JAZF1: variants seen among roughly 807,000 people sequenced by gnomAD.
JAZF1 encodes juxtaposed with another zinc finger protein 1.
A neutral mutation model predicts 26.4 loss-of-function variants in JAZF1; 8 were observed. That is an observed-to-expected ratio of 0.30 (90% confidence interval 0.18 to 0.55). The LOEUF (loss-of-function observed/expected upper bound fraction) is 0.55. JAZF1 is among the 20% of genes least tolerant of loss of function. The probability of loss-of-function intolerance (pLI) is 0.94; values close to 1 mark genes in which losing one functional copy is unlikely to be tolerated. For missense variants in JAZF1, 199 were observed against 322.0 expected (o/e 0.62, Z 2.92); for synonymous variants, 126 against 122.3 (o/e 1.03, Z -0.20).
chr7:28,125,898 T>C (rs1487770545), intron 1 of JAZF1, among the ~76,000 whole-genome samples: 1 of 152,204 alleles, frequency 6.6e-6, no homozygotes, highest in African/African-American at 2.4e-5. Context: ...TTCCATCAGC[T>C]GATGCAAGGG....
chr7:28,036,349 TG>T (rs1783293185), intron 1 of JAZF1, among the ~76,000 whole-genome samples: 1 of 152,240 alleles, frequency 6.6e-6, no homozygotes, highest in Non-Finnish European at 1.5e-5. Flanking sequence ...ACTTCTATAG[TG>T]ATTTTTTTCT....
At position 27,883,687 on chromosome 7, in the gene JAZF1, G is replaced by A. The variant is rs144533229; in HGVS notation, c.385+11533C>T. Among the ~76,000 whole-genome samples, 234 of 152,268 alleles carry A rather than the reference G, an allele frequency of 1.5e-3. 1 individual carries two copies. Among genetic ancestry groups the A allele is most frequent in the African/African-American group, 5.3e-3 (219 of 41,544 alleles). ...TGTAAGGAAGCACTCTTTATCTCATGGGAAACAAAACACTTTGGGTATTGG... is the reference window on the plus strand; with the variant it reads ...TGTAAGGAAGCACTCTTTATCTCATAGGAAACAAAACACTTTGGGTATTGG... On this transcript the variant is annotated intron_variant, in intron 3 of 4. Coordinates refer to ENST00000283928, the MANE Select transcript of JAZF1 (RefSeq NM_175061.4).
Position 27,840,962 on chromosome 7 carries a change from G to A in JAZF1, c.386-95C>T, listed in dbSNP as rs747070068. On this transcript the variant is annotated intron_variant, in intron 3 of 4. Transcript: ENST00000283928. The surrounding 1 kb of genome is among the most constrained non-coding windows in gnomAD (Gnocchi z 5.1). The stretch of plus-strand genomic sequence containing the variant: ...CAGGACAGGAGATGTGGCCGTGGCA[G>A]AGCAGCGCTGACGGCCCAGGGAGAG... 8.1e-6 allele frequency: 11 copies of A among 1,353,418 alleles called. No individual in the cohort carries two copies. The highest frequency in any genetic ancestry group is 2.5e-4 in the Middle Eastern group (1 of 4,062). 83.8% of individuals were successfully genotyped at this position (1,353,418 alleles called of 1,614,324 possible).
intron 2 of JAZF1, among the ~76,000 whole-genome samples, chr7:27,988,235 T>G (rs1172265637): frequency 1.3e-5 from 2 of 152,142 alleles, no homozygotes; most frequent in Non-Finnish European, 2.9e-5. Context: ...TGTGGATGGT[T>G]GAATCATAAT....
chr7:28,087,701 T>G (rs1784232146), intron 1 of JAZF1, among the ~76,000 whole-genome samples: 1 of 152,168 alleles, frequency 6.6e-6, no homozygotes, highest in Non-Finnish European at 1.5e-5. Flanking sequence ...TAGTGAGCTT[T>G]AGAATGTCAT....
Position 27,840,505 on chromosome 7 carries a change from C to T in JAZF1, c.555+193G>A, listed in dbSNP as rs1289656343. 2.7e-5 allele frequency among the ~76,000 whole-genome samples: 4 copies of T among 148,502 alleles called. No individual in the cohort carries two copies. The highest frequency in any genetic ancestry group is 1.3e-4 in the Admixed American group (2 of 15,166). On this transcript the variant is annotated intron_variant, in intron 4 of 4. Transcript: ENST00000283928. This position sits in a 1 kb window ranked among gnomAD's most constrained non-coding sequence, Gnocchi z 5.1. The stretch of plus-strand genomic sequence containing the variant: ...GCAGAGGGGAAAGCCCCGGCAGCAG[C>T]GGTGGCGGGTGAGCACTTCCTTGAG...
At chr7:27,971,658 C>T (rs973006276) in intron 2 of JAZF1, among the ~76,000 whole-genome samples, 5 of 152,028 alleles carry the variant, frequency 3.3e-5, no homozygotes, top group South Asian at 4.1e-4. Context: ...TCCGAGGTGC[C>T]GCACATAAGG....
intron 1 of JAZF1, among the ~76,000 whole-genome samples, chr7:28,131,452 T>C (rs1389845304): frequency 6.6e-6 from 1 of 152,180 alleles, no homozygotes; most frequent in Non-Finnish European, 1.5e-5. Context: ...CTTCTCTCCT[T>C]ACATAAATAA....
chr7:28,003,733 C>G (rs1782647445), intron 1 of JAZF1, among the ~76,000 whole-genome samples: 1 of 152,094 alleles, frequency 6.6e-6, no homozygotes, highest in African/African-American at 2.4e-5. Context: ...AAGGGCAGCT[C>G]TGACATCATG....
chr7:28,134,424 C>T (rs1340202272), intron 1 of JAZF1, among the ~76,000 whole-genome samples: 2 of 151,872 alleles, frequency 1.3e-5, no homozygotes, highest in Non-Finnish European at 2.9e-5. Context: ...ACTCAGCCTC[C>T]CGAGTAGCTG....
chr7:28,104,057 C>T (rs1048872751), intron 1 of JAZF1, among the ~76,000 whole-genome samples: 9 of 152,168 alleles, frequency 5.9e-5, no homozygotes, highest in East Asian at 5.8e-4. Flanking sequence ...TCCAGCACAC[C>T]GGGCAGGCTC....
intron 1 of JAZF1, among the ~76,000 whole-genome samples, chr7:28,113,152 T>C (rs1402778250): frequency 6.6e-6 from 1 of 152,224 alleles, no homozygotes; most frequent in African/African-American, 2.4e-5. Context: ...GTCCGGCCTG[T>C]TGAATCGGTA....
chr7:28,169,690 T>C (rs1783422434), intron 1 of JAZF1, among the ~76,000 whole-genome samples: 1 of 152,204 alleles, frequency 6.6e-6, no homozygotes, highest in African/African-American at 2.4e-5. Context: ...TTCCTTCATG[T>C]GATGTTTGAT....
At chr7:28,168,800 GT>G (rs1460613855) in intron 1 of JAZF1, among the ~76,000 whole-genome samples, 5 of 152,180 alleles carry the variant, frequency 3.3e-5, no homozygotes, top group African/African-American at 1.2e-4. Flanking sequence ...ACCTTTAAAA[GT>G]TTGATTCCTT....
intron 1 of JAZF1, among the ~76,000 whole-genome samples, chr7:28,093,407 G>T (rs60587011): frequency 0.012 from 1,762 of 152,238 alleles, 35 homozygotes; most frequent in African/African-American, 0.038. Context: ...CCAGCTACAC[G>T]GAACTGTGAG....
intron 1 of JAZF1, among the ~76,000 whole-genome samples, chr7:28,118,784 ACACACACAAC>A (rs1784790192): frequency 6.6e-6 from 1 of 151,756 alleles, no homozygotes; most frequent in African/African-American, 2.4e-5. Context: ...ACACACACAC[ACACACACAAC>A]ACACACACAC....
At chr7:27,935,258 A>G (rs1784748100) in intron 2 of JAZF1, among the ~76,000 whole-genome samples, 1 of 152,246 alleles carries the variant, frequency 6.6e-6, no homozygotes, top group Non-Finnish European at 1.5e-5. Flanking sequence ...GGAATGTTAA[A>G]CGGTGCAGCT....
chr7:27,922,807 T>G (rs1784554089), intron 2 of JAZF1, among the ~76,000 whole-genome samples: 1 of 152,186 alleles, frequency 6.6e-6, no homozygotes, highest in South Asian at 2.1e-4. Flanking sequence ...GATACATGCT[T>G]CTAACAACTC....
intron 1 of JAZF1, among the ~76,000 whole-genome samples, chr7:27,998,748 T>C (rs1786073407): frequency 6.6e-6 from 1 of 152,234 alleles, no homozygotes. Flanking sequence ...TATTCACATT[T>C]GTAGCCTGAG....
Sources: gnomAD v4.1 joint callset for allele counts (sites outside exome capture counted in the v4.1 genomes callset) on GRCh38, gnomAD v4.1.1 for gene constraint, Gnocchi (gnomAD v3.1) non-coding constraint, MANE v1.5 for transcripts, NCBI Gene and HGNC (gene_info 2026-07-23, HGNC 2026-07-21) for gene names.